Variants in PABPC1L observed in about 807,000 individuals in gnomAD.
PABPC1L encodes poly(A) binding protein cytoplasmic 1 like, also known as polyadenylate-binding protein 1-like.
In PABPC1L, 31 loss-of-function variants were observed where a neutral mutation model predicts 66.6. The ratio of observed to expected loss-of-function variants is 0.47; its 90% CI spans 0.35 to 0.63. The LOEUF (loss-of-function observed/expected upper bound fraction) is 0.63, where lower values mean the gene tolerates loss of function less well. Ranked by LOEUF, PABPC1L falls within the 20% of genes least tolerant of loss-of-function variation. The pLI is 0.00. For synonymous variants in PABPC1L, 348 were observed against 335.1 expected (o/e 1.04, Z -0.42); for missense variants, 722 against 848.8 (o/e 0.85, Z 1.86).
At position 44,921,626 on chromosome 20, in the gene PABPC1L, C is replaced by T. The variant is rs1259062297; in HGVS notation, c.771C>T (p.Ser257=). 3.1e-6 allele frequency: 5 copies of T among 1,613,824 alleles called. No homozygotes were observed. The highest frequency in any genetic ancestry group is 1.3e-5 in the African/African-American group (1 of 74,916). ...AVVHMNGKEV[S]GRLLYAGRAQ... Reference sequence around the variant, plus strand: ...TCCATATGAACGGGAAGGAGGTGAGCGGGCGGCTGCTGTACGCGGGCCGGG... The same window carrying T: ...TCCATATGAACGGGAAGGAGGTGAGTGGGCGGCTGCTGTACGCGGGCCGGG... The change falls in exon 6 of 15, where the codon AGC becomes AGT. Residue 257 remains serine (S), a synonymous_variant. Coordinates refer to ENST00000217073, the MANE Select transcript of PABPC1L (RefSeq NM_001372179.1).
intron 8 of PABPC1L, 68 bp downstream of exon 8, chr20:44,930,794 T>TA: frequency 6.4e-7 from 1 of 1,552,784 alleles, no homozygotes; most frequent in Non-Finnish European, 8.7e-7. Context: ...GCATGAAGAC[T>TA]AGAGTTCTAG....
Position 44,933,209 on chromosome 20 carries a change from G to T in PABPC1L, c.1459+24G>T, listed in dbSNP as rs143881058. ...AGGTGAGTGTGGGTAGGGCCAAGGG[G>T]AATGGGGGTGGGGCAAAGTTGGCAC... On this transcript the variant is annotated intron_variant, in intron 10 of 14. Coordinates refer to ENST00000217073, the MANE Select transcript of PABPC1L (RefSeq NM_001372179.1). 1,343 of 1,572,948 alleles carry T rather than the reference G, an allele frequency of 8.5e-4. 1 individual carries two copies. The highest frequency in any genetic ancestry group is 1.0e-3 in the Non-Finnish European group (1,174 of 1,156,914).
intron 2 of PABPC1L, among the ~76,000 whole-genome samples, chr20:44,916,423 C>T (rs1200119544): frequency 6.6e-6 from 1 of 152,166 alleles, no homozygotes; most frequent in Non-Finnish European, 1.5e-5. Context: ...CAGGCACCCA[C>T]CACCACATCT....
chr20:44,923,636 A>T (rs1223369876), intron 6 of PABPC1L, among the ~76,000 whole-genome samples: 1 of 152,114 alleles, frequency 6.6e-6, no homozygotes, highest in Non-Finnish European at 1.5e-5. Context: ...TCTCAAAAAA[A>T]AAAAGTCTTA....
Position 44,912,819 on chromosome 20 carries a change from C to A in PABPC1L, c.353C>A (p.Thr118Asn). 1 of 1,614,076 alleles carries A rather than the reference C, an allele frequency of 6.2e-7. No individual in the cohort carries two copies. Among genetic ancestry groups the A allele is most frequent in the African/African-American group, 1.3e-5 (1 of 75,008 alleles). Reference protein sequence around the residue: ...DSIDNKALYDTFSTFGNILSC... With the variant: ...DSIDNKALYDNFSTFGNILSC... The stretch of plus-strand genomic sequence containing the variant: ...ATTGACAACAAGGCTTTATATGATA[C>A]CTTCTCCACCTTTGGGAACATCCTC... The change falls in exon 2 of 15, where the codon ACC becomes AAC. Residue 118 changes from threonine to asparagine, a missense_variant. Physicochemically the swap from Thr to Asn is moderately conservative, Grantham distance 65. Around this residue, in one of 3 missense-constraint regions of PABPC1L, gnomAD observed 284 missense variants for 294.8 expected, o/e 0.96. Transcript: ENST00000217073.
rs377042593 is a variant in PABPC1L, at chr20:44,918,981, C to T, written c.579C>T (p.Ile193=). ...LGARALEFTN[I]YVKNLPVDVD... The stretch of plus-strand genomic sequence containing the variant: ...CGCGGGCCCTGGAGTTCACCAACAT[C>T]TACGTGAAGAACCTCCCGGTGGATG... Residue 193 remains isoleucine (I), a synonymous_variant, in exon 4 of 15, where the codon ATC becomes ATT. Transcript: ENST00000217073. 2.5e-6 allele frequency: 4 copies of T among 1,613,436 alleles called. No individual in the cohort carries two copies. Among genetic ancestry groups the T allele is most frequent in the Non-Finnish European group, 3.4e-6 (4 of 1,179,720 alleles).
intron 1 of PABPC1L, among the ~76,000 whole-genome samples, chr20:44,910,811 C>CTCAG (rs1410916751): frequency 6.9e-6 from 1 of 144,672 alleles, no homozygotes; most frequent in Non-Finnish European, 1.5e-5. Flanking sequence ...CAGCCTTGGG[C>CTCAG]TCAGGCCTTT....
chr20:44,912,462 A>G (rs2066711507), intron 1 of PABPC1L, among the ~76,000 whole-genome samples, 198 bp from the exon 2 acceptor site: 1 of 152,080 alleles, frequency 6.6e-6, no homozygotes, highest in Admixed American at 6.5e-5. Flanking sequence ...AGCACCATAC[A>G]CACTAATTCT....
chr20:44,914,203 A>AT (rs2066723248), intron 2 of PABPC1L, among the ~76,000 whole-genome samples: 1 of 105,930 alleles, frequency 9.4e-6, no homozygotes, highest in Non-Finnish European at 1.9e-5. Context: ...ATGTGTCAGA[A>AT]CTTTTTTTTT....
chr20:44,914,928 T>C (rs2066728279), intron 2 of PABPC1L, among the ~76,000 whole-genome samples: 1 of 152,218 alleles, frequency 6.6e-6, no homozygotes, highest in Non-Finnish European at 1.5e-5. Context: ...GCTCAGAGGT[T>C]AAGAAATGAC....
chr20:44,939,117 T>A lies in PABPC1L; in HGVS notation c.*7-9T>A. The A allele has an allele frequency of 1.4e-6, 1 of 717,880 alleles. No individual in the cohort carries two copies. The highest frequency in any genetic ancestry group is 1.5e-5 in the South Asian group (1 of 67,602). The allele number at this position is 717,880 out of a possible 1,614,324, so 44.5% of individuals were successfully genotyped here. ...TTAAAAACACTTATTTTTACCTTTTTGTCCTCAGAAAAGGAAATCCTCGCT... is the reference window on the plus strand; with the variant it reads ...TTAAAAACACTTATTTTTACCTTTTAGTCCTCAGAAAAGGAAATCCTCGCT... On this transcript the variant is annotated splice_polypyrimidine_tract_variant and intron_variant, in intron 14 of 14. Coordinates refer to ENST00000217073, the MANE Select transcript of PABPC1L (RefSeq NM_001372179.1).
At chr20:44,933,036 C>G (rs1476780146) in intron 9 of PABPC1L, 21 bp from the exon 10 acceptor site, 1 of 1,503,728 alleles carries the variant, frequency 6.7e-7, no homozygotes, top group South Asian at 1.2e-5. Flanking sequence ...TTTTCTCTCT[C>G]TGTGGTGTCT....
In PABPC1L at chr20:44,938,663, A is replaced by T; in HGVS notation, c.1792-11A>T. ...GCTGCACTAAGCCCCCCCGCCACTC[A>T]TGTCTCACAGATAGACGAGGCAGTG... On this transcript the variant is annotated splice_polypyrimidine_tract_variant and intron_variant, in intron 13 of 14. Transcript: ENST00000217073. 6.2e-7 allele frequency: 1 copy of T among 1,605,054 alleles called. No homozygotes were observed. The highest frequency in any genetic ancestry group is 1.1e-5 in the South Asian group (1 of 89,008).
chr20:44,925,069 C>T (rs144150443), intron 7 of PABPC1L, among the ~76,000 whole-genome samples: 1,921 of 145,952 alleles, frequency 0.013, 138 homozygotes, highest in African/African-American at 0.048. Context: ...AAAAATTAGC[C>T]GGGCATGATG....
intron 9 of PABPC1L, 47 bp from the exon 10 acceptor site, chr20:44,933,010 C>A: frequency 7.4e-7 from 1 of 1,344,794 alleles, no homozygotes; most frequent in Non-Finnish European, 1.0e-6. Flanking sequence ...TGATTATTCC[C>A]ACCACTCCAT....
At position 44,919,051 on chromosome 20, in the gene PABPC1L, T is replaced by C. The variant is rs2066755827; in HGVS notation, c.643+6T>C. 3.7e-6 allele frequency: 6 copies of C among 1,611,336 alleles called. No homozygotes were observed. The South Asian group carries it at 6.6e-5, about 18-fold the overall frequency. ...GGACCTCTTCTCCCAGTTTGGTGGGTGTGTCCCCAAGGGAGCGGGGGGATC... is the reference window on the plus strand; with the variant it reads ...GGACCTCTTCTCCCAGTTTGGTGGGCGTGTCCCCAAGGGAGCGGGGGGATC... On this transcript the variant is annotated splice_donor_region_variant and intron_variant, in intron 4 of 14. Coordinates refer to ENST00000217073, the MANE Select transcript of PABPC1L (RefSeq NM_001372179.1).
chr20:44,935,264 T>C, intron 10 of PABPC1L, 127 bp from the exon 11 acceptor site: 1 of 698,932 alleles, frequency 1.4e-6, no homozygotes, highest in Non-Finnish European at 2.5e-6. Context: ...TGCACAGTCT[T>C]CTAATTTCTT....
In PABPC1L at chr20:44,939,149, G is replaced by T. The variant is rs779568527; in HGVS notation, c.*30G>T. 7 of 717,846 alleles carry T rather than the reference G, an allele frequency of 9.8e-6. No individual in the cohort carries two copies. The highest frequency in any genetic ancestry group is 1.8e-5 in the Non-Finnish European group (7 of 385,200). The allele number at this position is 717,846 out of a possible 1,614,324, so 44.5% of individuals were successfully genotyped here. ...AGAAAAGGAAATCCTCGCTTCCATG[G>T]CTGCCAAAAGGACAGTGTTTCTGGC... On this transcript the variant is annotated 3_prime_UTR_variant, in exon 15 of 15. Coordinates refer to ENST00000217073, the MANE Select transcript of PABPC1L (RefSeq NM_001372179.1).
chr20:44,910,544 A>G (rs1211567542), intron 1 of PABPC1L, among the ~76,000 whole-genome samples: 1 of 135,880 alleles, frequency 7.4e-6, no homozygotes, highest in Admixed American at 7.6e-5. Context: ...TCTACAGAGG[A>G]GAGAGATTAG....
Sources: gnomAD v4.1 joint callset for allele counts (sites outside exome capture counted in the v4.1 genomes callset) on GRCh38, gnomAD v4.1.1 for gene constraint, gnomAD v4.1.1 regional missense constraint, MANE v1.5 for transcripts, NCBI Gene and HGNC (gene_info 2026-07-23, HGNC 2026-07-21) for gene names.